DPP10: variants seen among roughly 807,000 people sequenced by gnomAD.
DPP10 encodes the protein inactive dipeptidyl peptidase 10.
DPP10 carries 33 observed loss-of-function variants against 120.9 expected under a neutral mutation model. The ratio of observed to expected loss-of-function variants is 0.27; its 90% CI spans 0.21 to 0.37. The LOEUF is 0.37. DPP10 is among the 10% of genes least tolerant of loss of function. The probability of loss-of-function intolerance (pLI) is 1.00; values close to 1 mark genes in which losing one functional copy is unlikely to be tolerated. For missense variants in DPP10, 816 were observed against 942.8 expected, an observed-to-expected ratio of 0.87 and a Z score of 1.76; for synonymous variants, 337 against 326.1, an observed-to-expected ratio of 1.03 and a Z score of -0.36.
chr2:115,242,186 A>G (rs1206132119), intron 1 of DPP10, among the ~76,000 whole-genome samples: 1 of 152,078 alleles, frequency 6.6e-6, no homozygotes, highest in Admixed American at 6.6e-5. Context: ...CTCAAAGTCC[A>G]TTGTATCATT....
chr2:115,058,346 A>T (rs533719377), intron 1 of DPP10, among the ~76,000 whole-genome samples: 1 of 147,900 alleles, frequency 6.8e-6, no homozygotes, highest in South Asian at 2.2e-4. Flanking sequence ...GCTCTTTTAG[A>T]AGTCCCTTTG....
intron 1 of DPP10, among the ~76,000 whole-genome samples, chr2:114,946,676 G>C (rs1399447570): frequency 6.6e-6 from 1 of 151,656 alleles, no homozygotes; most frequent in South Asian, 2.1e-4. Context: ...TACATCAATA[G>C]ATTTTTCTTG....
At chr2:115,301,093 G>A (rs1337191390) in intron 1 of DPP10, among the ~76,000 whole-genome samples, 2 of 151,840 alleles carry the variant, frequency 1.3e-5, no homozygotes, top group African/African-American at 2.4e-5. Context: ...CCCATAGACG[G>A]GGCTGCTTTT....
chr2:115,562,934 T>C (rs933416043), intron 5 of DPP10, among the ~76,000 whole-genome samples: 1 of 152,230 alleles, frequency 6.6e-6, no homozygotes, highest in African/African-American at 2.4e-5. Flanking sequence ...GGTAATAATA[T>C]CTTCCCGGTC....
In DPP10 at chr2:114,783,561, G is replaced by A. The variant is rs80147957; in HGVS notation, c.60+340723G>A. The stretch of plus-strand genomic sequence containing the variant: ...ACTTAAACTGTTTCCCATCTGCCTG[G>A]CATGGTGGCGCACATCTGTAATTCC... On this transcript the variant is annotated intron_variant, in intron 1 of 25. Coordinates refer to ENST00000410059, the MANE Select transcript of DPP10 (RefSeq NM_020868.6). Among the ~76,000 whole-genome samples the A allele has an allele frequency of 1.1e-3, 174 of 152,170 alleles. 1 individual carries two copies. The East Asian group carries it at 0.031, about 28-fold the overall frequency.
At chr2:114,772,708 G>A (rs562644795) in intron 1 of DPP10, among the ~76,000 whole-genome samples, 50 of 150,040 alleles carry the variant, frequency 3.3e-4, no homozygotes, top group African/African-American at 1.1e-3. Flanking sequence ...CTCAATCTCA[G>A]TTTAAGAAGT....
chr2:115,619,218 C>G (rs2084762496), intron 5 of DPP10, among the ~76,000 whole-genome samples: 1 of 149,208 alleles, frequency 6.7e-6, no homozygotes, highest in Middle Eastern at 3.4e-3. Flanking sequence ...GCTGGGACTA[C>G]AGGTGCGTGC....
At chr2:115,186,045 T>TA in intron 1 of DPP10, among the ~76,000 whole-genome samples, 1 of 152,336 alleles carries the variant, frequency 6.6e-6, no homozygotes, top group South Asian at 2.1e-4. Context: ...TTCACACAAT[T>TA]TATTGATTAG....
At chr2:115,608,474 T>C (rs1013383859) in intron 5 of DPP10, among the ~76,000 whole-genome samples, 3 of 151,828 alleles carry the variant, frequency 2.0e-5, no homozygotes, top group African/African-American at 7.3e-5. Context: ...ATGAAGAAAA[T>C]TGGAAGGCTT....
chr2:114,531,282 T>A (rs956004737), intron 1 of DPP10, among the ~76,000 whole-genome samples: 1 of 152,078 alleles, frequency 6.6e-6, no homozygotes, highest in Non-Finnish European at 1.5e-5. Context: ...GAGTCACTCA[T>A]AGAAGTCTTT....
intron 1 of DPP10, among the ~76,000 whole-genome samples, chr2:114,483,661 C>T (rs1029871848): frequency 8.5e-5 from 13 of 152,090 alleles, no homozygotes; most frequent in Non-Finnish European, 1.3e-4. Context: ...GGAGTGCTCA[C>T]GCTAGCTGAT....
At chr2:114,704,854 G>A (rs1384122388) in intron 1 of DPP10, among the ~76,000 whole-genome samples, 1 of 152,074 alleles carries the variant, frequency 6.6e-6, no homozygotes, top group Non-Finnish European at 1.5e-5. Context: ...GGTTAAATGA[G>A]GCTATAGTGG....
intron 17 of DPP10, among the ~76,000 whole-genome samples, chr2:115,783,503 C>T (rs1683002629): frequency 6.6e-6 from 1 of 152,054 alleles, no homozygotes; most frequent in South Asian, 2.1e-4. Flanking sequence ...AGAAAACAGA[C>T]CAAGACCATT....
At chr2:115,015,407 A>T (rs921689409) in intron 1 of DPP10, among the ~76,000 whole-genome samples, 18 of 152,218 alleles carry the variant, frequency 1.2e-4, no homozygotes, top group African/African-American at 3.9e-4. Flanking sequence ...CTGAATGGGC[A>T]AAGGCTGGAA....
chr2:115,244,834 CATATAT>C (rs535050279), intron 1 of DPP10, among the ~76,000 whole-genome samples: 1 of 143,338 alleles, frequency 7.0e-6, no homozygotes, highest in Non-Finnish European at 1.5e-5. Context: ...TATGTATGCA[CATATAT>C]ATATACATAT....
At chr2:115,473,622 C>G (rs1375147) in intron 3 of DPP10, among the ~76,000 whole-genome samples, 125,909 of 152,114 alleles carry the variant, frequency 0.83, 55,170 homozygotes, top group Non-Finnish European at 0.97. Context: ...TCTTCCAAAG[C>G]CTCTGTCTGG....
chr2:115,767,394 A>G (rs563956237), intron 12 of DPP10, among the ~76,000 whole-genome samples: 42 of 152,102 alleles, frequency 2.8e-4, no homozygotes, highest in African/African-American at 8.9e-4. Context: ...GGAAAAACTC[A>G]ATGTTTCATC....
chr2:115,450,292 A>G (rs1447961439), intron 3 of DPP10, among the ~76,000 whole-genome samples: 1 of 151,982 alleles, frequency 6.6e-6, no homozygotes, highest in East Asian at 1.9e-4. Context: ...CACTGCCTGG[A>G]AAAAGATAAA....
chr2:115,617,268 T>TA (rs1553462547), intron 5 of DPP10, among the ~76,000 whole-genome samples: 4 of 4,352 alleles, frequency 9.2e-4, no homozygotes, highest in Non-Finnish European at 7.3e-3. Flanking sequence ...TATATATATA[T>TA]TTTTTATATA....
Sources: allele counts gnomAD v4.1 joint callset (sites outside exome capture counted in the v4.1 genomes callset), GRCh38; gene constraint gnomAD v4.1.1; transcripts MANE v1.5; gene names NCBI Gene and HGNC (gene_info 2026-07-23, HGNC 2026-07-21).